The following TRAPPC9 variants were observed in gnomAD, a reference collection of about 807,000 sequenced individuals.
The protein encoded by TRAPPC9 is IKK2 binding protein.
In TRAPPC9, 83 loss-of-function variants were observed where a neutral mutation model predicts 124.0. The observed-to-expected ratio is 0.67, with a 90% CI of 0.56 to 0.80. The LOEUF (loss-of-function observed/expected upper bound fraction) is 0.80. TRAPPC9 is among the 30% of genes least tolerant of loss of function. TRAPPC9 has a pLI of 0.00. For synonymous variants in TRAPPC9, 638 were observed against 617.5 expected (o/e 1.03, Z -0.49); for missense variants, 1,302 against 1,508.3 (o/e 0.86, Z 2.27).
intron 2 of TRAPPC9, among the ~76,000 whole-genome samples, chr8:140,449,063 G>C (rs933061792): frequency 1.3e-5 from 2 of 152,138 alleles, no homozygotes; most frequent in African/African-American, 4.8e-5. Flanking sequence ...ACCCTGCAAA[G>C]CACCACAGGC....
At chr8:140,105,595 TTC>T (rs1324799977) in intron 17 of TRAPPC9, among the ~76,000 whole-genome samples, 94 of 152,290 alleles carry the variant, frequency 6.2e-4, no homozygotes, top group African/African-American at 2.1e-3. Context: ...CTGTGGACCT[TTC>T]TGGAATGAGC....
chr8:140,213,759 G>A (rs2063122179), intron 17 of TRAPPC9, among the ~76,000 whole-genome samples: 1 of 152,226 alleles, frequency 6.6e-6, no homozygotes, highest in African/African-American at 2.4e-5. Flanking sequence ...CAGAGCTTAA[G>A]GGAGGCCTGG....
intron 19 of TRAPPC9, among the ~76,000 whole-genome samples, chr8:139,917,247 T>A (rs533030698): frequency 8.6e-4 from 127 of 148,140 alleles, no homozygotes; most frequent in African/African-American, 3.2e-3. Context: ...GATCTCGGCT[T>A]ACTGCAAGCT....
At chr8:140,274,781 C>A (rs1236170392) in intron 15 of TRAPPC9, among the ~76,000 whole-genome samples, 1 of 152,144 alleles carries the variant, frequency 6.6e-6, no homozygotes, top group Admixed American at 6.5e-5. Context: ...GGGGAGGGAG[C>A]CCTCTGCCAG....
chr8:139,788,092 C>T lies in TRAPPC9; in HGVS notation c.3056-55890G>A, dbSNP rs1822400247. Among the ~76,000 whole-genome samples, 2 of 152,164 alleles carry T rather than the reference C, an allele frequency of 1.3e-5. No homozygotes were observed. Among genetic ancestry groups the T allele is most frequent in the Non-Finnish European group, 2.9e-5 (2 of 68,040 alleles). On this transcript the variant is annotated intron_variant, in intron 21 of 22. Coordinates refer to ENST00000438773, the MANE Select transcript of TRAPPC9 (RefSeq NM_001160372.4). This position sits in a 1 kb window ranked among gnomAD's most constrained non-coding sequence, Gnocchi z 4.9. ...CCCGAATTCCAACCAGGCTTCAGCC[C>T]AGAAGCCACTTCCCCACTGCACTGG...
chr8:139,757,712 G>A (rs1248788142), intron 21 of TRAPPC9, among the ~76,000 whole-genome samples: 1 of 152,114 alleles, frequency 6.6e-6, no homozygotes, highest in Non-Finnish European at 1.5e-5. Flanking sequence ...GGCCAGGCCT[G>A]TCTCATTCTT....
chr8:140,288,080 C>T (rs181911600), intron 12 of TRAPPC9, among the ~76,000 whole-genome samples: 89 of 152,286 alleles, frequency 5.8e-4, no homozygotes, highest in Non-Finnish European at 9.9e-4. Context: ...GTGGCTCACA[C>T]CTGTAATCCC....
rs2064077935 is a variant in TRAPPC9 at position 140,249,594 on chromosome 8, ACT to A, written c.2431+3181_2431+3182del. ...AGTAAGTGCAGGCAAATCATCTTTC[ACT>A]CTTTTTTTTTTTTTTTTTTTTTTTT... On this transcript the variant is annotated intron_variant, in intron 16 of 22. Transcript: ENST00000438773. Among the ~76,000 whole-genome samples, 8 of 113,234 alleles carry A rather than the reference ACT, an allele frequency of 7.1e-5. No homozygotes were observed. The East Asian group carries it at 1.9e-3, about 26-fold the overall frequency. The allele number at this position is 113,234 out of a possible 152,430, so 74.3% of individuals were successfully genotyped here. A position where few individuals can be genotyped will look rare whatever the true frequency, so the allele number is the denominator to read the frequency against.
chr8:140,381,570 A>C (rs1434777875), intron 7 of TRAPPC9, among the ~76,000 whole-genome samples: 1 of 144,544 alleles, frequency 6.9e-6, no homozygotes, highest in East Asian at 2.2e-4. Flanking sequence ...CAGGAGGCTG[A>C]GGCAGGAGAA....
intron 21 of TRAPPC9, among the ~76,000 whole-genome samples, chr8:139,832,289 C>T (rs142448376): frequency 8.0e-4 from 122 of 152,354 alleles, no homozygotes; most frequent in African/African-American, 2.7e-3. Flanking sequence ...TGCATGATAA[C>T]ATCTGAGGAC....
chr8:139,916,735 A>G (rs183118654), intron 19 of TRAPPC9: 1 of 152,402 alleles, frequency 6.6e-6, no homozygotes, highest in African/African-American at 2.4e-5. Flanking sequence ...GGTGGTTTTT[A>G]AAATACCAGA....
intron 21 of TRAPPC9, among the ~76,000 whole-genome samples, chr8:139,795,474 A>C (rs1822986859): frequency 6.6e-6 from 1 of 151,646 alleles, no homozygotes; most frequent in South Asian, 2.1e-4. Context: ...TGTGTGATTC[A>C]AACACAGCTT....
intron 9 of TRAPPC9, among the ~76,000 whole-genome samples, chr8:140,346,173 G>A (rs1563962141): frequency 1.3e-5 from 2 of 152,206 alleles, no homozygotes; most frequent in Non-Finnish European, 2.9e-5. Flanking sequence ...GCTGAAACAC[G>A]TGAAACTGCC....
intron 21 of TRAPPC9, among the ~76,000 whole-genome samples, chr8:139,838,205 C>T (rs774888770): frequency 7.2e-5 from 11 of 152,224 alleles, no homozygotes; most frequent in Non-Finnish European, 1.5e-4. Context: ...CCTCATCCTG[C>T]AGGTCTCAGC....
At chr8:139,798,944 G>A (rs753989423) in intron 21 of TRAPPC9, among the ~76,000 whole-genome samples, 6 of 151,938 alleles carry the variant, frequency 3.9e-5, no homozygotes, top group Admixed American at 1.3e-4. Context: ...CAAGCTTTTC[G>A]GGGCCACTGG....
intron 20 of TRAPPC9, chr8:139,904,629 T>C (rs758164932): frequency 1.3e-5 from 2 of 152,260 alleles, no homozygotes; most frequent in Non-Finnish European, 2.9e-5. Context: ...GGTGAGTTAT[T>C]GAACTTCCAA....
At chr8:139,844,100 C>T (rs868307600) in intron 21 of TRAPPC9, among the ~76,000 whole-genome samples, 8 of 152,128 alleles carry the variant, frequency 5.3e-5, no homozygotes, top group African/African-American at 1.4e-4. Context: ...CATCTGCAGG[C>T]GAGCAGGTGA....
intron 6 of TRAPPC9, 102 bp downstream of exon 6, chr8:140,405,475 A>T (rs1424755409): frequency 1.5e-6 from 2 of 1,299,596 alleles, no homozygotes; most frequent in Non-Finnish European, 2.2e-6. Flanking sequence ...TACTTACAGA[A>T]ATAAATAATT....
chr8:140,096,768 A>C (rs1405852554), intron 17 of TRAPPC9: 2 of 152,008 alleles, frequency 1.3e-5, no homozygotes, highest in Non-Finnish European at 2.9e-5. Flanking sequence ...GAGTGGTTGG[A>C]ATTGAGAAAA....
Sources: gnomAD v4.1 joint callset for allele counts (sites outside exome capture counted in the v4.1 genomes callset) on GRCh38, gnomAD v4.1.1 for gene constraint, Gnocchi (gnomAD v3.1) non-coding constraint, MANE v1.5 for transcripts, NCBI Gene and HGNC (gene_info 2026-07-23, HGNC 2026-07-21) for gene names.